SUGCT: variants seen among roughly 807,000 people sequenced by gnomAD.
SUGCT encodes the protein succinyl-CoA:glutarate CoA-transferase.
A neutral mutation model predicts 55.0 loss-of-function variants in SUGCT; 41 were observed. The ratio of observed to expected loss-of-function variants is 0.74; its 90% CI spans 0.58 to 0.97. The LOEUF (loss-of-function observed/expected upper bound fraction) is 0.97, where lower values mean the gene tolerates loss of function less well. Ranked by LOEUF, SUGCT falls within the 50% of genes least tolerant of loss-of-function variation. The probability of loss-of-function intolerance (pLI) is 0.00; values close to 1 mark genes in which losing one functional copy is unlikely to be tolerated. For missense variants in SUGCT, 568 were observed against 547.8 expected (o/e 1.04, Z -0.37); for synonymous variants, 187 against 200.4 (o/e 0.93, Z 0.56).
chr7:40,747,183 TG>T (rs1403211174), intron 12 of SUGCT, among the ~76,000 whole-genome samples: 1 of 152,176 alleles, frequency 6.6e-6, no homozygotes. Flanking sequence ...AAAGCATCTC[TG>T]TGTGGTGTGT....
At chr7:40,879,262 T>C in the SUGCT span, among the ~76,000 whole-genome samples, 1 of 152,358 alleles carries the variant, frequency 6.6e-6, no homozygotes, top group Admixed American at 6.5e-5. Flanking sequence ...TTAAAACATA[T>C]ATAAAGTTAG....
the SUGCT span, among the ~76,000 whole-genome samples, chr7:40,935,726 A>G: frequency 1.3e-5 from 2 of 152,198 alleles, no homozygotes; most frequent in Non-Finnish European, 2.9e-5. Context: ...AAGTTTTTGC[A>G]TGAACATTGT....
chr7:40,530,179 T>A (rs1037196620), intron 12 of SUGCT, among the ~76,000 whole-genome samples: 3 of 152,186 alleles, frequency 2.0e-5, no homozygotes, highest in African/African-American at 7.2e-5. Context: ...ACTCCTAAGA[T>A]TTGTTCCTTG....
chr7:40,599,973 A>G (rs1798211281), intron 12 of SUGCT, among the ~76,000 whole-genome samples: 1 of 152,138 alleles, frequency 6.6e-6, no homozygotes, highest in African/African-American at 2.4e-5. Context: ...GCACCAGGTC[A>G]CATGTGAGGA....
At position 40,271,966 on chromosome 7, in the gene SUGCT, A is replaced by T. The variant is rs577876351; in HGVS notation, c.577-2547A>T. ...CTGTGCTTGGCTTCTTTCATGTAAC[A>T]TAATGTCCTCCAGTGACATCCATAT... On this transcript the variant is annotated intron_variant, in intron 7 of 13. Coordinates refer to ENST00000335693, the MANE Select transcript of SUGCT (RefSeq NM_001193313.2). Among the ~76,000 whole-genome samples, 6 of 151,532 alleles carry T rather than the reference A, an allele frequency of 4.0e-5. No individual in the cohort carries two copies. In the East Asian group the frequency reaches 1.2e-3, roughly 30 times the overall value.
chr7:40,145,372 A>T (rs1788190032), intron 1 of SUGCT, among the ~76,000 whole-genome samples: 1 of 152,018 alleles, frequency 6.6e-6, no homozygotes, highest in Admixed American at 6.6e-5. Context: ...TTTTTTCACG[A>T]CTTTCACAGA....
chr7:40,832,864 C>T (rs540996705), intron 13 of SUGCT, among the ~76,000 whole-genome samples: 4 of 152,022 alleles, frequency 2.6e-5, no homozygotes, highest in South Asian at 2.1e-4. Context: ...TTAGTAGAGA[C>T]GGGGTGTCAC....
At chr7:40,848,228 C>T (rs1793675318) in intron 13 of SUGCT, among the ~76,000 whole-genome samples, 1 of 151,280 alleles carries the variant, frequency 6.6e-6, no homozygotes, top group Non-Finnish European at 1.5e-5. Flanking sequence ...TTTTTCTCTT[C>T]AAACATTCAC....
At chr7:41,030,128 C>T in the SUGCT span, among the ~76,000 whole-genome samples, 3 of 152,206 alleles carry the variant, frequency 2.0e-5, no homozygotes, top group African/African-American at 7.2e-5. Flanking sequence ...CCATTGTATA[C>T]ACGTGCCACA....
At chr7:40,454,663 A>C (rs182972273) in intron 10 of SUGCT, among the ~76,000 whole-genome samples, 331 of 152,304 alleles carry the variant, frequency 2.2e-3, no homozygotes, top group African/African-American at 7.5e-3. Context: ...GATTAACTGC[A>C]TATTTTTTTG....
chr7:40,679,419 A>G (rs1001102781), intron 12 of SUGCT, among the ~76,000 whole-genome samples: 3 of 152,158 alleles, frequency 2.0e-5, no homozygotes, highest in Non-Finnish European at 2.9e-5. Context: ...TTGCAGATAC[A>G]TTACTGATCT....
At chr7:40,377,378 G>A (rs1055140536) in intron 9 of SUGCT, among the ~76,000 whole-genome samples, 1 of 150,752 alleles carries the variant, frequency 6.6e-6, no homozygotes, top group Non-Finnish European at 1.5e-5. Context: ...GGGTAGCTGG[G>A]ATGACAGGCG....
rs547341374 is a variant in SUGCT at position 40,663,972 on chromosome 7, G to A, written c.1090-85462G>A. 6.6e-5 allele frequency among the ~76,000 whole-genome samples: 10 copies of A among 152,226 alleles called. No homozygotes were observed. In the South Asian group the frequency reaches 1.9e-3, roughly 28 times the overall value. On this transcript the variant is annotated intron_variant, in intron 12 of 13. Coordinates refer to ENST00000335693, the MANE Select transcript of SUGCT (RefSeq NM_001193313.2). ...AATCAAGTTAAAGTTAGGTCACTGG[G>A]GGGAGGGCCTAATCCATGTGACTAT...
chr7:40,633,244 A>G (rs953325957), intron 12 of SUGCT, among the ~76,000 whole-genome samples: 1 of 152,228 alleles, frequency 6.6e-6, no homozygotes. Flanking sequence ...ACACTTTTAA[A>G]TAATATCGAA....
chr7:41,019,794 A>G, the SUGCT span, among the ~76,000 whole-genome samples: 1 of 152,364 alleles, frequency 6.6e-6, no homozygotes, highest in East Asian at 1.9e-4. Context: ...TGGAAGAAAC[A>G]GAACTTCAAG....
At chr7:40,780,765 T>A (rs1789701401) in intron 13 of SUGCT, among the ~76,000 whole-genome samples, 1 of 143,806 alleles carries the variant, frequency 7.0e-6, no homozygotes, top group Non-Finnish European at 1.5e-5. Flanking sequence ...TTTTCTTTCT[T>A]CTTCTTCTTC....
chr7:40,976,035 G>C, the SUGCT span, among the ~76,000 whole-genome samples: 3 of 152,168 alleles, frequency 2.0e-5, no homozygotes, highest in Non-Finnish European at 1.5e-5. Context: ...CACCCTTTGT[G>C]GATCAGTTAT....
At chr7:40,984,036 C>T in the SUGCT span, among the ~76,000 whole-genome samples, 6 of 152,050 alleles carry the variant, frequency 3.9e-5, no homozygotes, top group Admixed American at 6.5e-5. Flanking sequence ...GGTAGGGCCA[C>T]GTTACTTCCA....
rs549722534 is a variant in SUGCT at position 40,152,706 on chromosome 7, T to G, written c.100+17586T>G. 5.0e-5 allele frequency: 8 copies of G among 160,422 alleles called. No individual in the cohort carries two copies. The East Asian group carries it at 1.5e-3, about 31-fold the overall frequency. 9.9% of individuals were successfully genotyped at this position (160,422 alleles called of 1,614,324 possible). ...TAATTTTATGGAAAATTAAGGTGTT[T>G]TTTTTTTTTTGAGATGGAGTCTTGT... On this transcript the variant is annotated intron_variant, in intron 1 of 13. Coordinates refer to ENST00000335693, the MANE Select transcript of SUGCT (RefSeq NM_001193313.2).
Sources: allele counts gnomAD v4.1 joint callset (sites outside exome capture counted in the v4.1 genomes callset), GRCh38; gene constraint gnomAD v4.1.1; transcripts MANE v1.5; gene names NCBI Gene and HGNC (gene_info 2026-07-23, HGNC 2026-07-21).